Variants in TLK1 observed in about 807,000 individuals in gnomAD.
TLK1 encodes the protein tousled like kinase 1.
A neutral mutation model predicts 105.3 loss-of-function variants in TLK1; 24 were observed. The ratio of observed to expected loss-of-function variants is 0.23; its 90% CI spans 0.17 to 0.32. TLK1 has a LOEUF of 0.32. TLK1 is among the 10% of genes least tolerant of loss of function. The pLI is 1.00. For missense variants in TLK1, 558 were observed against 910.5 expected (o/e 0.61, Z 4.98); for synonymous variants, 321 against 310.4 (o/e 1.03, Z -0.36).
intron 1 of TLK1, among the ~76,000 whole-genome samples, chr2:171,188,845 A>G (rs1693088408): frequency 6.6e-6 from 1 of 151,678 alleles, no homozygotes; most frequent in South Asian, 2.1e-4. Flanking sequence ...ACTGCACTCC[A>G]GCCTAGGCGA....
At chr2:171,118,978 C>T (rs1690545305) in intron 1 of TLK1, among the ~76,000 whole-genome samples, 1 of 152,152 alleles carries the variant, frequency 6.6e-6, no homozygotes, top group African/African-American at 2.4e-5. Context: ...TCTACTTCTT[C>T]TAGCTCAAAA....
intron 14 of TLK1, among the ~76,000 whole-genome samples, chr2:171,010,802 G>A (rs552130782): frequency 7.2e-5 from 11 of 152,106 alleles, no homozygotes; most frequent in Non-Finnish European, 1.3e-4. Flanking sequence ...TAAGTGTACT[G>A]TATTAAATGG....
At chr2:171,187,844 T>A (rs1315966480) in intron 1 of TLK1, among the ~76,000 whole-genome samples, 4 of 152,200 alleles carry the variant, frequency 2.6e-5, no homozygotes, top group Non-Finnish European at 4.4e-5. Flanking sequence ...ATTTATTGAA[T>A]GAATGAATGG....
intron 1 of TLK1, among the ~76,000 whole-genome samples, chr2:171,183,800 A>G (rs970423419): frequency 6.6e-6 from 1 of 152,122 alleles, no homozygotes; most frequent in Non-Finnish European, 1.5e-5. Flanking sequence ...TGATGTTTAG[A>G]TCTTTAATCC....
At chr2:171,023,414 T>TACACAC (rs140384482) in intron 12 of TLK1, among the ~76,000 whole-genome samples, 16,402 of 147,560 alleles carry the variant, frequency 0.11, 1,374 homozygotes, top group African/African-American at 0.23. Flanking sequence ...CACTCACACA[T>TACACAC]ACACACACAC....
intron 13 of TLK1, among the ~76,000 whole-genome samples, chr2:171,013,898 T>C: frequency 6.6e-6 from 1 of 152,212 alleles, no homozygotes; most frequent in Non-Finnish European, 1.5e-5. Context: ...TAATTTCTAC[T>C]TCTATGTCTT....
At chr2:171,188,851 G>A (rs1453652427) in intron 1 of TLK1, among the ~76,000 whole-genome samples, 1 of 150,830 alleles carries the variant, frequency 6.6e-6, no homozygotes, top group Non-Finnish European at 1.5e-5. Context: ...CTCCAGCCTA[G>A]GCGACAAAGC....
At chr2:171,075,679 CCAA>C (rs990194184) in intron 3 of TLK1, among the ~76,000 whole-genome samples, 1 of 151,928 alleles carries the variant, frequency 6.6e-6, no homozygotes, top group Non-Finnish European at 1.5e-5. Flanking sequence ...CACAAATATC[CCAA>C]CTTCAGTAAG....
At chr2:171,091,378 A>G (rs1689223185) in intron 2 of TLK1, among the ~76,000 whole-genome samples, 1 of 152,222 alleles carries the variant, frequency 6.6e-6, no homozygotes, top group Admixed American at 6.5e-5. Flanking sequence ...GCATCCCTAA[A>G]AAGCATTAAC....
At chr2:171,065,499 CAA>C (rs1336376462) in intron 3 of TLK1, among the ~76,000 whole-genome samples, 2 of 151,580 alleles carry the variant, frequency 1.3e-5, no homozygotes, top group African/African-American at 4.8e-5. Context: ...TCCATTCAGC[CAA>C]AGACTGGTTT....
At chr2:171,097,964 G>C (rs1001496556) in intron 2 of TLK1, among the ~76,000 whole-genome samples, 2 of 151,846 alleles carry the variant, frequency 1.3e-5, no homozygotes, top group African/African-American at 2.4e-5. Flanking sequence ...GTGGGGCGGG[G>C]AGAGAGAGGG....
At chr2:171,105,415 GT>G (rs1689876160) in intron 2 of TLK1, among the ~76,000 whole-genome samples, 1 of 152,260 alleles carries the variant, frequency 6.6e-6, no homozygotes, top group Admixed American at 6.5e-5. Context: ...GCTGGGCGCA[GT>G]GGCTCACGCC....
intron 3 of TLK1, among the ~76,000 whole-genome samples, chr2:171,067,399 G>T (rs6711287): frequency 4.0e-5 from 6 of 151,232 alleles, no homozygotes; most frequent in African/African-American, 1.2e-4. Context: ...TTGACCTTGT[G>T]ATCCACCCGC....
intron 1 of TLK1, among the ~76,000 whole-genome samples, chr2:171,168,942 G>C (rs1232939745): frequency 2.0e-5 from 3 of 152,136 alleles, no homozygotes; most frequent in African/African-American, 7.2e-5. Context: ...GCCGGGTGTG[G>C]TGGCGCATGC....
chr2:171,111,176 A>G (rs577604157), intron 2 of TLK1, among the ~76,000 whole-genome samples: 1 of 152,352 alleles, frequency 6.6e-6, no homozygotes, highest in African/African-American at 2.4e-5. Context: ...AAAGAAAATA[A>G]CAAAGGAGGT....
chr2:171,227,568 CTTTTTTTTTTTTTTTTTT>C (rs71401413), intron 1 of TLK1, among the ~76,000 whole-genome samples: 3 of 55,500 alleles, frequency 5.4e-5, no homozygotes, highest in South Asian at 1.7e-3. Context: ...AGTAAATCTC[CTTTTTTTTTTTTTTTTTT>C]TTTTTTTTTT....
chr2:171,162,568 C>T (rs762290311), upstream of TLK1, among the ~76,000 whole-genome samples: 2 of 152,060 alleles, frequency 1.3e-5, no homozygotes, highest in Non-Finnish European at 2.9e-5. Context: ...ATAAAGTGTA[C>T]AATTTGATAA....
At chr2:171,186,428 T>C (rs1693025990) in intron 1 of TLK1, among the ~76,000 whole-genome samples, 1 of 152,162 alleles carries the variant, frequency 6.6e-6, no homozygotes, top group African/African-American at 2.4e-5. Context: ...TTCGTCACAA[T>C]GATGGGAGTA....
chr2:171,022,250 A>G (rs1017507746), intron 12 of TLK1, among the ~76,000 whole-genome samples: 8 of 152,198 alleles, frequency 5.3e-5, no homozygotes, highest in Admixed American at 2.0e-4. Context: ...TTGCAGGTCC[A>G]TATGTGAGTA....
Sources: allele counts gnomAD v4.1 joint callset (sites outside exome capture counted in the v4.1 genomes callset), GRCh38; gene constraint gnomAD v4.1.1; transcripts MANE v1.5; gene names NCBI Gene and HGNC (gene_info 2026-07-23, HGNC 2026-07-21).